The following ASPRV1 variants were observed in gnomAD, a reference collection of about 807,000 sequenced individuals.
ASPRV1 encodes the protein aspartic peptidase retroviral like 1, also known as retroviral-like aspartic protease 1.
In ASPRV1, 7 loss-of-function variants were observed where a neutral mutation model predicts 11.0. The observed-to-expected ratio is 0.64, with a 90% CI of 0.36 to 1.20. The LOEUF is 1.20. Ranked by LOEUF, ASPRV1 falls within the 50% of genes most tolerant of loss-of-function variation. The probability of loss-of-function intolerance (pLI) is 0.02; values close to 1 mark genes in which losing one functional copy is unlikely to be tolerated. For synonymous variants in ASPRV1, 136 were observed against 138.4 expected, an observed-to-expected ratio of 0.98 and a Z score of 0.12; for missense variants, 299 against 320.0, an observed-to-expected ratio of 0.93 and a Z score of 0.50.
At chr2:70,071,692 A>G in the ASPRV1 span, 3 of 152,164 alleles carry the variant, frequency 2.0e-5, no homozygotes, top group East Asian at 1.9e-4. Context: ...CAGTGAGCCG[A>G]TATCGTGCCA....
chr2:70,086,257 G>A, the ASPRV1 span: 4 of 152,130 alleles, frequency 2.6e-5, no homozygotes, highest in African/African-American at 9.7e-5. Flanking sequence ...CTAACCACGT[G>A]TCGCCATTTT....
At chr2:69,987,409 CTT>C in the ASPRV1 span, among the ~76,000 whole-genome samples, 1 of 151,852 alleles carries the variant, frequency 6.6e-6, no homozygotes, top group Non-Finnish European at 1.5e-5. Context: ...CTCTGGGCCT[CTT>C]GACTCTTATC....
the ASPRV1 span, among the ~76,000 whole-genome samples, chr2:70,038,845 G>A: frequency 2.6e-5 from 4 of 152,114 alleles, no homozygotes; most frequent in South Asian, 2.1e-4. Context: ...TTGGGAAGCC[G>A]AGGTGGGCGG....
At chr2:70,057,019 G>A in the ASPRV1 span, among the ~76,000 whole-genome samples, 1 of 151,868 alleles carries the variant, frequency 6.6e-6, no homozygotes, top group Non-Finnish European at 1.5e-5. Context: ...TTATAGGCGT[G>A]AGCCACCGCG....
chr2:70,026,308 GA>G, the ASPRV1 span, among the ~76,000 whole-genome samples: 1 of 150,174 alleles, frequency 6.7e-6, no homozygotes, highest in East Asian at 1.9e-4. Context: ...TATGGAATGA[GA>G]AAAGGATGCT....
chr2:70,025,008 A>C, the ASPRV1 span, among the ~76,000 whole-genome samples: 2 of 152,230 alleles, frequency 1.3e-5, no homozygotes, highest in Non-Finnish European at 1.5e-5. Context: ...TGTAGCTCAA[A>C]TAAATGTTCC....
chr2:69,986,102 C>T, the ASPRV1 span, among the ~76,000 whole-genome samples: 1 of 152,202 alleles, frequency 6.6e-6, no homozygotes, highest in African/African-American at 2.4e-5. Context: ...AGCAGGGGGC[C>T]TGTCAGACTG....
chr2:70,070,994 T>A, the ASPRV1 span, among the ~76,000 whole-genome samples: 2 of 152,058 alleles, frequency 1.3e-5, no homozygotes, highest in Non-Finnish European at 2.9e-5. Flanking sequence ...TCTGGGTTTG[T>A]GAGTTGTTCA....
chr2:69,996,585 C>A, the ASPRV1 span: 2 of 395,668 alleles, frequency 5.1e-6, no homozygotes, highest in Non-Finnish European at 1.0e-5. Context: ...ATAATTTATT[C>A]ATTCCTTCAG....
At chr2:69,947,496 T>C in the ASPRV1 span, among the ~76,000 whole-genome samples, 1 of 152,134 alleles carries the variant, frequency 6.6e-6, no homozygotes, top group Non-Finnish European at 1.5e-5. Flanking sequence ...GAACCTGTAA[T>C]GTGCATGTTT....
At chr2:69,955,364 G>A (rs1051649451), downstream of ASPRV1, among the ~76,000 whole-genome samples, 2 of 152,134 alleles carry the variant, frequency 1.3e-5, no homozygotes, top group African/African-American at 4.8e-5. Flanking sequence ...ACTGGCCCTC[G>A]AGGCACTCCC....
chr2:70,053,033 G>A, the ASPRV1 span, among the ~76,000 whole-genome samples: 1 of 152,112 alleles, frequency 6.6e-6, no homozygotes, highest in Non-Finnish European at 1.5e-5. Flanking sequence ...CTCCATGCCT[G>A]TACTCATAAG....
chr2:70,068,946 CAAAAAA>C, the ASPRV1 span, among the ~76,000 whole-genome samples: 144 of 59,066 alleles, frequency 2.4e-3, 1 homozygote, highest in Non-Finnish European at 4.0e-3. Flanking sequence ...ACTCTTGTCT[CAAAAAA>C]AAAAAAAAAA....
the ASPRV1 span, among the ~76,000 whole-genome samples, chr2:70,083,321 C>T: frequency 1.3e-5 from 2 of 152,196 alleles, no homozygotes; most frequent in East Asian, 1.9e-4. Context: ...CCAAAAATGG[C>T]TCTTCTGTAA....
chr2:69,967,338 C>T, the ASPRV1 span, among the ~76,000 whole-genome samples: 5,640 of 152,232 alleles, frequency 0.037, 345 homozygotes, highest in African/African-American at 0.13. Flanking sequence ...AGGCAACTCC[C>T]GCAACCAGGT....
chr2:70,059,419 T>C, the ASPRV1 span, among the ~76,000 whole-genome samples: 1 of 151,980 alleles, frequency 6.6e-6, no homozygotes, highest in Non-Finnish European at 1.5e-5. Flanking sequence ...CTTAGATACA[T>C]CAGGGTTCAA....
chr2:69,979,519 G>C, the ASPRV1 span, among the ~76,000 whole-genome samples: 4 of 152,222 alleles, frequency 2.6e-5, no homozygotes, highest in African/African-American at 9.6e-5. Flanking sequence ...GTCCCTCTGG[G>C]AGGGGCAGGA....
chr2:70,085,186 G>A, the ASPRV1 span, among the ~76,000 whole-genome samples: 1 of 152,150 alleles, frequency 6.6e-6, no homozygotes, highest in Non-Finnish European at 1.5e-5. Flanking sequence ...AAGCCCATGG[G>A]GAGCTGACGG....
chr2:69,949,708 T>C, the ASPRV1 span, among the ~76,000 whole-genome samples: 1 of 152,236 alleles, frequency 6.6e-6, no homozygotes, highest in Non-Finnish European at 1.5e-5. Flanking sequence ...CATTTCGGCA[T>C]ATTTAGTTTT....
Sources: allele counts gnomAD v4.1 joint callset (sites outside exome capture counted in the v4.1 genomes callset), GRCh38; gene constraint gnomAD v4.1.1; transcripts MANE v1.5; gene names NCBI Gene and HGNC (gene_info 2026-07-23, HGNC 2026-07-21).